ITGA9: variants seen among roughly 807,000 people sequenced by gnomAD.
The protein encoded by ITGA9 is integrin alpha-9.
ITGA9 carries 56 observed loss-of-function variants against 127.8 expected under a neutral mutation model. That is an observed-to-expected ratio of 0.44 (90% CI 0.35 to 0.55). The LOEUF is 0.55. ITGA9 is among the 20% of genes least tolerant of loss of function. The pLI is 0.00. For missense variants in ITGA9, 1,196 were observed against 1,347.1 expected, an observed-to-expected ratio of 0.89 and a Z score of 1.76; for synonymous variants, 508 against 514.5, an observed-to-expected ratio of 0.99 and a Z score of 0.17.
chr3:37,573,181 T>C (rs935740450), intron 15 of ITGA9: 1 of 152,116 alleles, frequency 6.6e-6, no homozygotes, highest in African/African-American at 2.4e-5. Flanking sequence ...CCAGAAAACC[T>C]GCTAGACAAA....
At chr3:37,552,323 C>T (rs1699386120) in intron 15 of ITGA9, among the ~76,000 whole-genome samples, 1 of 151,986 alleles carries the variant, frequency 6.6e-6, no homozygotes, top group Admixed American at 6.6e-5. Flanking sequence ...CCCCTGAAGC[C>T]TCATTGCGTG....
chr3:37,517,272 C>T (rs1215766752), intron 9 of ITGA9, among the ~76,000 whole-genome samples: 1 of 152,078 alleles, frequency 6.6e-6, no homozygotes, highest in Non-Finnish European at 1.5e-5. Context: ...TTCTCCTTCC[C>T]TCAAAAATGC....
intron 27 of ITGA9, 147 bp downstream of exon 27, chr3:37,804,089 G>A (rs766674429): frequency 2.4e-6 from 3 of 1,253,722 alleles, no homozygotes; most frequent in Non-Finnish European, 3.4e-6. Context: ...GGCAGGGAGT[G>A]GAATCTTGGC....
At chr3:37,478,117 G>A (rs111984128) in intron 3 of ITGA9, among the ~76,000 whole-genome samples, 2,600 of 152,178 alleles carry the variant, frequency 0.017, 67 homozygotes, top group African/African-American at 0.058. Context: ...CCTTCCCAAT[G>A]CCCCTCCTGG....
chr3:37,773,104 G>A (rs927654659), intron 23 of ITGA9, among the ~76,000 whole-genome samples: 3 of 152,176 alleles, frequency 2.0e-5, no homozygotes, highest in African/African-American at 7.2e-5. Flanking sequence ...CTTCACACCT[G>A]AAGCACATTA....
chr3:37,573,554 A>C (rs1395438423), intron 15 of ITGA9, among the ~76,000 whole-genome samples: 4 of 152,166 alleles, frequency 2.6e-5, no homozygotes, highest in Non-Finnish European at 5.9e-5. Context: ...CAGGGACCTC[A>C]GATGGGCTGT....
chr3:37,654,924 T>C (rs1390172630), intron 17 of ITGA9, among the ~76,000 whole-genome samples: 1 of 152,114 alleles, frequency 6.6e-6, no homozygotes, highest in East Asian at 1.9e-4. Context: ...CTCCCACTTA[T>C]GACTAAGAAC....
intron 4 of ITGA9, 70 bp downstream of exon 4, chr3:37,481,677 T>C (rs1698557318): frequency 6.3e-7 from 1 of 1,577,090 alleles, no homozygotes. Context: ...CCCACCTCTA[T>C]GCACCACCAG....
rs1294706157 is a variant in ITGA9, at chr3:37,666,533, T to TTTGTG, written c.1916+12744_1916+12748dup. On this transcript the variant is annotated intron_variant, in intron 17 of 27. Coordinates refer to ENST00000264741, the MANE Select transcript of ITGA9 (RefSeq NM_002207.3). ...GGTTGGTTGGGTGCCTGGCTGTTGG[T>TTTGTG]TTGTGGTTCGCTGGCGTTCCTCCGC... 2.6e-5 allele frequency among the ~76,000 whole-genome samples: 4 copies of TTTGTG among 152,150 alleles called. No individual in the cohort carries two copies. The East Asian group carries it at 7.8e-4, about 29-fold the overall frequency.
intron 15 of ITGA9, among the ~76,000 whole-genome samples, chr3:37,603,787 C>T (rs1022997210): frequency 6.6e-6 from 1 of 152,210 alleles, no homozygotes; most frequent in Non-Finnish European, 1.5e-5. Flanking sequence ...AACTGAGGCT[C>T]AGAAAGGTTC....
At chr3:37,472,534 G>C (rs534448171) in intron 2 of ITGA9, among the ~76,000 whole-genome samples, 1 of 152,140 alleles carries the variant, frequency 6.6e-6, no homozygotes, top group South Asian at 2.1e-4. Context: ...GAGTAGCTGG[G>C]ATTACAGTGT....
chr3:37,670,111 CTTT>C (rs752633855), intron 17 of ITGA9, among the ~76,000 whole-genome samples: 15 of 144,640 alleles, frequency 1.0e-4, no homozygotes, highest in East Asian at 4.0e-4. Flanking sequence ...AATGTTAAAA[CTTT>C]TTTTTTTTTT....
intron 15 of ITGA9, among the ~76,000 whole-genome samples, chr3:37,543,774 C>T (rs1229217617): frequency 6.6e-6 from 1 of 152,198 alleles, no homozygotes; most frequent in Admixed American, 6.5e-5. Flanking sequence ...GCCCCACACA[C>T]CCATGGCCCA....
intron 18 of ITGA9, among the ~76,000 whole-genome samples, chr3:37,725,271 A>C (rs775147881): frequency 8.5e-5 from 13 of 152,224 alleles, no homozygotes; most frequent in Non-Finnish European, 1.9e-4. Flanking sequence ...TTCTGACTCC[A>C]GGACTATCCA....
intron 5 of ITGA9, among the ~76,000 whole-genome samples, chr3:37,502,213 CTTTTTTTTTTTT>C (rs910743416): frequency 2.7e-5 from 3 of 111,834 alleles, no homozygotes; most frequent in Non-Finnish European, 5.5e-5. Flanking sequence ...GTTCTTGAGT[CTTTTTTTTTTTT>C]TTTTTTTTTG....
rs76963068 is a variant in ITGA9 at position 37,649,899 on chromosome 3, A to G, written c.1840-3815A>G. 1.1e-3 allele frequency among the ~76,000 whole-genome samples: 174 copies of G among 152,360 alleles called. 6 individuals are homozygous for G. The East Asian group carries it at 0.032, about 28-fold the overall frequency. On this transcript the variant is annotated intron_variant, in intron 16 of 27. Coordinates refer to ENST00000264741, the MANE Select transcript of ITGA9 (RefSeq NM_002207.3). The stretch of plus-strand genomic sequence containing the variant: ...CCACAATGGAATGAAACTAGAAATC[A>G]GTAACAGCAAGAAAATGGGAAAATT...
chr3:37,604,275 A>G (rs1699947204), intron 15 of ITGA9, among the ~76,000 whole-genome samples: 2 of 152,240 alleles, frequency 1.3e-5, no homozygotes, highest in Non-Finnish European at 2.9e-5. Flanking sequence ...AGAGATGCTA[A>G]CTAAGTAGTC....
At chr3:37,686,899 A>G (rs1028513715) in intron 18 of ITGA9, among the ~76,000 whole-genome samples, 1 of 152,178 alleles carries the variant, frequency 6.6e-6, no homozygotes, top group Admixed American at 6.5e-5. Flanking sequence ...AGCACCGGGT[A>G]GGATTCTGAC....
At chr3:37,593,716 G>A (rs941312082) in intron 15 of ITGA9, among the ~76,000 whole-genome samples, 9 of 152,188 alleles carry the variant, frequency 5.9e-5, no homozygotes, top group Non-Finnish European at 7.3e-5. Context: ...TTCAGTCCAC[G>A]GCATCCAGTG....
Sources: gnomAD v4.1 joint callset for allele counts (sites outside exome capture counted in the v4.1 genomes callset) on GRCh38, gnomAD v4.1.1 for gene constraint, MANE v1.5 for transcripts, NCBI Gene and HGNC (gene_info 2026-07-23, HGNC 2026-07-21) for gene names.